Variants in MIGA2 observed in about 807,000 individuals in gnomAD.
The protein encoded by MIGA2 is family with sequence similarity 73, member B.
A neutral mutation model predicts 69.9 loss-of-function variants in MIGA2; 36 were observed. That is an observed-to-expected ratio of 0.52 (90% confidence interval 0.39 to 0.68). The LOEUF (loss-of-function observed/expected upper bound fraction) is 0.68. Among genes scored for constraint, MIGA2 ranks in the 30% least tolerant of loss-of-function variants. The probability of loss-of-function intolerance (pLI) is 0.00; values close to 1 mark genes in which losing one functional copy is unlikely to be tolerated. For synonymous variants in MIGA2, 333 were observed against 349.2 expected, an observed-to-expected ratio of 0.95 and a Z score of 0.52; for missense variants, 660 against 787.7, an observed-to-expected ratio of 0.84 and a Z score of 1.94.
In MIGA2 at chr9:129,069,453, GTCCCTCCTGCCCTT is replaced by G. The variant is rs920949474; in HGVS notation, c.1458+329_1458+342del. 2 of 531,180 alleles carry G rather than the reference GTCCCTCCTGCCCTT, an allele frequency of 3.8e-6. No homozygotes were observed. Among genetic ancestry groups the G allele is most frequent in the African/African-American group, 3.8e-5 (2 of 52,454 alleles). The allele number at this position is 531,180 out of a possible 1,614,324, so 32.9% of individuals were successfully genotyped here. A position where few individuals can be genotyped will look rare whatever the true frequency, so the allele number is the denominator to read the frequency against. On this transcript the variant is annotated intron_variant, in intron 14 of 15. Transcript: ENST00000684074. This position sits in a 1 kb window ranked among gnomAD's most constrained non-coding sequence, Gnocchi z 4.9. The stretch of plus-strand genomic sequence containing the variant: ...GATACCCAGGAGCAAGCAGAGCCCT[GTCCCTCCTGCCCTT>G]TCCCCGCCCCAGTCAGGCCCCTGTA...
intron 3 of MIGA2, among the ~76,000 whole-genome samples, chr9:129,045,065 G>T (rs1367297626): frequency 6.6e-6 from 1 of 151,102 alleles, no homozygotes; most frequent in Non-Finnish European, 1.5e-5. Context: ...GGGTGTGGTG[G>T]CAGGCATCTA....
At chr9:129,040,259 T>C (rs1345758356) in intron 1 of MIGA2, among the ~76,000 whole-genome samples, 193 bp from the exon 2 acceptor site, 1 of 152,192 alleles carries the variant, frequency 6.6e-6, no homozygotes, top group African/African-American at 2.4e-5. Context: ...GGGCCCCTGG[T>C]AGGCAGAGGG....
intron 11 of MIGA2, among the ~76,000 whole-genome samples, chr9:129,066,653 G>A (rs1329065855): frequency 5.0e-5 from 5 of 100,598 alleles, no homozygotes; most frequent in Non-Finnish European, 9.7e-5. Context: ...CAGCCTGGGC[G>A]ACCAAAAAAA....
chr9:129,068,469 GA>G lies in MIGA2; in HGVS notation c.1404+138del. 8.0e-7 allele frequency: 1 copy of G among 1,255,648 alleles called. No homozygotes were observed. The highest frequency in any genetic ancestry group is 1.1e-6 in the Non-Finnish European group (1 of 911,062). The allele number at this position is 1,255,648 out of a possible 1,614,324, so 77.8% of individuals were successfully genotyped here. ...CTAGATCCGCGGCTGCCAGGCCTGG[GA>G]GACCAGAGTCTGCCCTGGAGAAGCC... On this transcript the variant is annotated intron_variant, in intron 13 of 15. Transcript: ENST00000684074. This position sits in a 1 kb window ranked among gnomAD's most constrained non-coding sequence, Gnocchi z 4.1.
Position 129,060,857 on chromosome 9 carries a change from T to C in MIGA2, c.894+207T>C, listed in dbSNP as rs1846034460. On this transcript the variant is annotated intron_variant, in intron 8 of 15. Transcript: ENST00000684074. This position sits in a 1 kb window ranked among gnomAD's most constrained non-coding sequence, Gnocchi z 4.8. ...TTGTCCTGTGGGTGAGAGCAGGGGT[T>C]CCACCCCGAAGGGCTCCAGCCCGTG... Among the ~76,000 whole-genome samples the C allele has an allele frequency of 6.6e-6, 1 of 152,226 alleles. No homozygotes were observed. The highest frequency in any genetic ancestry group is 2.4e-5 in the African/African-American group (1 of 41,456).
At chr9:129,048,587 C>G (rs1394564349) in intron 4 of MIGA2, 48 bp downstream of exon 4, 1 of 1,470,832 alleles carries the variant, frequency 6.8e-7, no homozygotes, top group Admixed American at 1.7e-5. Flanking sequence ...CGGGCTTACC[C>G]CTGCTGAGGA....
Position 129,063,329 on chromosome 9 carries a change from TG to T in MIGA2, c.1083+18del. 6.2e-7 allele frequency: 1 copy of T among 1,613,420 alleles called. No homozygotes were observed. The highest frequency in any genetic ancestry group is 8.5e-7 in the Non-Finnish European group (1 of 1,179,786). ...GCAGGCCTTCGAGGTGGGTGTGGCC[TG>T]GGGGTTCCTCGGGGGTGGGAGGCAA... On this transcript the variant is annotated intron_variant, in intron 10 of 15. Coordinates refer to ENST00000684074, the MANE Select transcript of MIGA2 (RefSeq NM_001329990.2).
intron 10 of MIGA2, 37 bp downstream of exon 10, chr9:129,063,353 C>A: frequency 6.2e-7 from 1 of 1,606,950 alleles, no homozygotes; most frequent in Non-Finnish European, 8.5e-7. Context: ...GGGTGGGAGG[C>A]AAGGGGTAGT....
chr9:129,041,616 T>G (rs1394593518), intron 2 of MIGA2, among the ~76,000 whole-genome samples: 2 of 152,242 alleles, frequency 1.3e-5, no homozygotes, highest in East Asian at 3.8e-4. Context: ...TTTATAGGCA[T>G]GAGCCACTGC....
intron 11 of MIGA2, chr9:129,067,471 G>GCTGC (rs1424635055): frequency 1.9e-5 from 7 of 363,676 alleles, no homozygotes; most frequent in African/African-American, 1.5e-4. Context: ...TGAACCTTCA[G>GCTGC]CTGCCTGACT....
chr9:129,042,342 G>T lies in MIGA2; in HGVS notation c.135G>T (p.Arg45=). ...FSQLRLTPGL[R]KVLFATALGT... ...AGCTACGGTTGACGCCAGGCCTGCGGAAAGTCCTCTTTGCCACGGCCCTGG... is the reference window on the plus strand; with the variant it reads ...AGCTACGGTTGACGCCAGGCCTGCGTAAAGTCCTCTTTGCCACGGCCCTGG... The change falls in exon 3 of 16, where the codon CGG becomes CGT. Residue 45 remains arginine (R), a synonymous_variant. Coordinates refer to ENST00000684074, the MANE Select transcript of MIGA2 (RefSeq NM_001329990.2). 1 of 1,613,090 alleles carries T rather than the reference G, an allele frequency of 6.2e-7. No individual in the cohort carries two copies. The highest frequency in any genetic ancestry group is 8.5e-7 in the Non-Finnish European group (1 of 1,180,026).
intron 6 of MIGA2, among the ~76,000 whole-genome samples, chr9:129,052,627 C>G (rs1845607072): frequency 6.6e-6 from 1 of 152,118 alleles, no homozygotes. Context: ...GGGAGGATTT[C>G]TCTGCCTATT....
chr9:129,054,041 GAAAA>G (rs1233700531), intron 6 of MIGA2, among the ~76,000 whole-genome samples: 1 of 151,920 alleles, frequency 6.6e-6, no homozygotes, highest in Non-Finnish European at 1.5e-5. Context: ...TCTACAAAAA[GAAAA>G]AGAAAAGATA....
chr9:129,043,936 G>A lies in MIGA2; in HGVS notation c.307+1422G>A, dbSNP rs144963394. Among the ~76,000 whole-genome samples the A allele has an allele frequency of 8.1e-3, 1,226 of 151,770 alleles. 14 individuals carry two copies. Among genetic ancestry groups the A allele is most frequent in the African/African-American group, 0.028 (1,148 of 41,360 alleles). ...AGGATGGCCTTGATCTCCTGAACTC[G>A]TGATCCGCCTGCCTCGGCCTCCCAA... On this transcript the variant is annotated intron_variant, in intron 3 of 15. Transcript: ENST00000684074.
intron 3 of MIGA2, among the ~76,000 whole-genome samples, chr9:129,048,188 C>T (rs1249511006): frequency 2.0e-5 from 3 of 152,236 alleles, no homozygotes; most frequent in Non-Finnish European, 4.4e-5. Flanking sequence ...CTCCTCTCCT[C>T]GGCCTGGCCC....
chr9:129,038,991 C>T (rs943006654), intron 1 of MIGA2, among the ~76,000 whole-genome samples: 3 of 151,436 alleles, frequency 2.0e-5, no homozygotes, highest in African/African-American at 7.3e-5. Flanking sequence ...GACGGGGTTT[C>T]ACCATGTTGA....
chr9:129,064,915 T>C (rs1846263883), intron 11 of MIGA2, among the ~76,000 whole-genome samples: 2 of 151,840 alleles, frequency 1.3e-5, no homozygotes, highest in Non-Finnish European at 2.9e-5. Flanking sequence ...CCTGAGTAGC[T>C]GGGATTACAG....
At position 129,068,626 on chromosome 9, in the gene MIGA2, A is replaced by C. The variant is rs150588970; in HGVS notation, c.1404+294A>C. Reference sequence around the variant, plus strand: ...CATTTTAATGCATCCTGTTAAATCAAGTTAAAAGAGGGGAAAGCAAAACCA... The same window carrying C: ...CATTTTAATGCATCCTGTTAAATCACGTTAAAAGAGGGGAAAGCAAAACCA... On this transcript the variant is annotated intron_variant, in intron 13 of 15. Transcript: ENST00000684074. This position sits in a 1 kb window ranked among gnomAD's most constrained non-coding sequence, Gnocchi z 4.1. 8.3e-4 allele frequency: 369 copies of C among 445,718 alleles called. 3 individuals carry two copies. Among genetic ancestry groups the C allele is most frequent in the African/African-American group, 5.8e-3 (293 of 50,836 alleles). 27.6% of individuals were successfully genotyped at this position (445,718 alleles called of 1,614,324 possible).
At position 129,068,126 on chromosome 9, in the gene MIGA2, C is replaced by T. The variant is rs757380999; in HGVS notation, c.1270-72C>T. 6.2e-7 allele frequency: 1 copy of T among 1,605,506 alleles called. No individual in the cohort carries two copies. Among genetic ancestry groups the T allele is most frequent in the South Asian group, 1.1e-5 (1 of 90,700 alleles). ...TGCCCTGGACCCCAGCTTCAGTCTC[C>T]CCATCTGGAAAGTGGCCCCGAGGCT... On this transcript the variant is annotated intron_variant, in intron 12 of 15. Transcript: ENST00000684074. The surrounding 1 kb of genome is among the most constrained non-coding windows in gnomAD (Gnocchi z 4.1).
Sources: gnomAD v4.1 joint callset for allele counts (sites outside exome capture counted in the v4.1 genomes callset) on GRCh38, gnomAD v4.1.1 for gene constraint, Gnocchi (gnomAD v3.1) non-coding constraint, MANE v1.5 for transcripts, NCBI Gene and HGNC (gene_info 2026-07-23, HGNC 2026-07-21) for gene names.